Variants in CEP128 observed in about 807,000 individuals in gnomAD.
CEP128 encodes centrosomal protein 128kDa.
CEP128 carries 132 observed loss-of-function variants against 156.7 expected under a neutral mutation model. The observed-to-expected ratio is 0.84, with a 90% confidence interval of 0.73 to 0.97. CEP128 has a LOEUF of 0.97. Among genes scored for constraint, CEP128 ranks in the 50% least tolerant of loss-of-function variants. The pLI is 0.00. For synonymous variants in CEP128, 469 were observed against 448.9 expected (o/e 1.04, Z -0.57); for missense variants, 1,252 against 1,281.9 (o/e 0.98, Z 0.36).
intron 19 of CEP128, among the ~76,000 whole-genome samples, chr14:80,606,425 G>C (rs1008979629): frequency 6.6e-6 from 1 of 152,030 alleles, no homozygotes; most frequent in Non-Finnish European, 1.5e-5. Context: ...AAGAAGCCAG[G>C]CTCTGTAAAC....
chr14:80,933,071 T>G (rs901153196), intron 2 of CEP128, among the ~76,000 whole-genome samples: 1 of 152,052 alleles, frequency 6.6e-6, no homozygotes, highest in African/African-American at 2.4e-5. Context: ...CCCATCAAGT[T>G]TCAGTAGCCC....
chr14:80,775,248 G>A (rs1440365593), intron 16 of CEP128, among the ~76,000 whole-genome samples: 1 of 152,118 alleles, frequency 6.6e-6, no homozygotes, highest in African/African-American at 2.4e-5. Flanking sequence ...AAGCCACGCA[G>A]GTAGGAAAGA....
At chr14:80,483,573 G>C (rs1374761813) in intron 14 of CEP128, among the ~76,000 whole-genome samples, 2 of 152,206 alleles carry the variant, frequency 1.3e-5, no homozygotes, top group Non-Finnish European at 2.9e-5. Flanking sequence ...GTTCTGTGAA[G>C]TGCTGAAAGA....
chr14:80,741,621 T>C (rs1223959963), intron 19 of CEP128, among the ~76,000 whole-genome samples: 6 of 152,176 alleles, frequency 3.9e-5, no homozygotes, highest in Non-Finnish European at 7.4e-5. Flanking sequence ...TACTATGACA[T>C]TAAATCACAC....
At chr14:80,788,148 C>T (rs1901510069) in intron 14 of CEP128, among the ~76,000 whole-genome samples, 1 of 152,088 alleles carries the variant, frequency 6.6e-6, no homozygotes, top group South Asian at 2.1e-4. Context: ...TCTGTCTAGG[C>T]ATTTTCTCTG....
intron 19 of CEP128, among the ~76,000 whole-genome samples, chr14:80,644,509 C>T (rs1389975162): frequency 6.6e-6 from 1 of 152,082 alleles, no homozygotes; most frequent in African/African-American, 2.4e-5. Context: ...TCTTCTAATA[C>T]TTGTTTCTGT....
chr14:80,633,952 TG>T (rs1182842303), intron 19 of CEP128, among the ~76,000 whole-genome samples: 1 of 152,190 alleles, frequency 6.6e-6, no homozygotes, highest in African/African-American at 2.4e-5. Flanking sequence ...GAGTCTTTCC[TG>T]GGTATTCATG....
rs539813037 is a variant in CEP128, at chr14:80,838,208, T to A, written c.920A>T (p.His307Leu). ...QSEGSRETLL[H>L]QVEELRTQLT... ...TAATAACTTGCATAGACTTACCTGATGCAAAAGTGTTTCTCGGCTGCCTTC... is the reference window on the plus strand; with the variant it reads ...TAATAACTTGCATAGACTTACCTGAAGCAAAAGTGTTTCTCGGCTGCCTTC... The change falls in exon 11 of 25, where the codon CAT becomes CTT. Residue 307 changes from histidine to leucine, a missense_variant. By Grantham distance (99) the His-to-Leu change is moderately conservative. Coordinates refer to ENST00000555265, the MANE Select transcript of CEP128 (RefSeq NM_152446.5). 2.5e-6 allele frequency: 4 copies of A among 1,608,994 alleles called. No homozygotes were observed. The East Asian group carries it at 8.9e-5, about 36-fold the overall frequency.
chr14:80,791,830 T>G (rs1406908969), intron 14 of CEP128, among the ~76,000 whole-genome samples: 1 of 152,220 alleles, frequency 6.6e-6, no homozygotes, highest in Non-Finnish European at 1.5e-5. Flanking sequence ...ACAGCTCATC[T>G]GAAATAAGTA....
chr14:80,916,228 G>T (rs12434318), intron 3 of CEP128, among the ~76,000 whole-genome samples, 173 bp downstream of exon 3: 2 of 152,000 alleles, frequency 1.3e-5, no homozygotes, highest in African/African-American at 4.8e-5. Flanking sequence ...GACCCAGTGA[G>T]ACCAGTGTTG....
chr14:80,821,425 G>A (rs560368983), intron 13 of CEP128, among the ~76,000 whole-genome samples: 31 of 152,012 alleles, frequency 2.0e-4, no homozygotes, highest in Non-Finnish European at 2.8e-4. Context: ...GAACATTACC[G>A]CATTTGTTTA....
chr14:80,950,004 G>A (rs1223080713), intron 2 of CEP128, among the ~76,000 whole-genome samples: 1 of 152,096 alleles, frequency 6.6e-6, no homozygotes, highest in Non-Finnish European at 1.5e-5. Context: ...CCTTATTTGG[G>A]AATAGCATCT....
chr14:80,590,069 T>C (rs1391268035), intron 19 of CEP128, among the ~76,000 whole-genome samples: 3 of 152,006 alleles, frequency 2.0e-5, no homozygotes, highest in African/African-American at 7.2e-5. Context: ...AGATACCCAG[T>C]GAGTAGGCAG....
intron 20 of CEP128, among the ~76,000 whole-genome samples, chr14:80,568,307 A>G (rs1478169279): frequency 1.3e-5 from 2 of 152,228 alleles, no homozygotes; most frequent in African/African-American, 4.8e-5. Flanking sequence ...TCTTTAAATT[A>G]CAGCACTGGA....
intron 2 of CEP128, among the ~76,000 whole-genome samples, chr14:80,948,736 A>C (rs1383390683): frequency 6.6e-6 from 1 of 152,236 alleles, no homozygotes. Context: ...AAGGGAACTG[A>C]GTGCACTTTT....
intron 13 of CEP128, among the ~76,000 whole-genome samples, chr14:80,819,239 CTTTTTTTTT>C (rs1187431254): frequency 2.4e-5 from 2 of 82,748 alleles, no homozygotes; most frequent in Non-Finnish European, 4.2e-5. Flanking sequence ...TGGCATCTTC[CTTTTTTTTT>C]TTTTTTTTTT....
chr14:80,949,838 C>T (rs751754824), intron 2 of CEP128, among the ~76,000 whole-genome samples: 2 of 151,996 alleles, frequency 1.3e-5, no homozygotes, highest in Non-Finnish European at 2.9e-5. Flanking sequence ...AAAATGCAAC[C>T]CATTTTCAGG....
chr14:80,592,195 C>A (rs1892103795), intron 19 of CEP128, among the ~76,000 whole-genome samples: 1 of 151,940 alleles, frequency 6.6e-6, no homozygotes, highest in African/African-American at 2.4e-5. Context: ...AAAAACCCTT[C>A]AAAAAAATCA....
chr14:80,614,190 T>A (rs4903928), intron 19 of CEP128, among the ~76,000 whole-genome samples: 143,231 of 152,268 alleles, frequency 0.94, 67,398 homozygotes, highest in East Asian at 0.99. Flanking sequence ...AAAGGGCACC[T>A]ACTTCCAAAT....
Sources: gnomAD v4.1 joint callset for allele counts (sites outside exome capture counted in the v4.1 genomes callset) on GRCh38, gnomAD v4.1.1 for gene constraint, MANE v1.5 for transcripts, NCBI Gene and HGNC (gene_info 2026-07-23, HGNC 2026-07-21) for gene names.